REG4: variants seen among roughly 807,000 people sequenced by gnomAD.
The protein encoded by REG4 is regenerating family member 4.
A neutral mutation model predicts 22.3 loss-of-function variants in REG4; 16 were observed. The ratio of observed to expected loss-of-function variants is 0.72; its 90% CI spans 0.49 to 1.09. The LOEUF (loss-of-function observed/expected upper bound fraction) is 1.09, where lower values mean the gene tolerates loss of function less well. REG4 is among the 50% of genes least tolerant of loss of function. The pLI, the probability that REG4 is intolerant of heterozygous loss-of-function variation, is 0.00. For synonymous variants in REG4, 71 were observed against 69.2 expected (o/e 1.03, Z -0.13); for missense variants, 214 against 193.9 (o/e 1.10, Z -0.61).
intron 3 of REG4, chr1:119,802,284 T>C: frequency 1.1e-6 from 1 of 948,102 alleles, no homozygotes; most frequent in Non-Finnish European, 1.3e-6. Context: ...AATGTCGCAA[T>C]CCTGCATTAA....
At chr1:119,810,415 AT>A (rs925784177) in intron 1 of REG4, among the ~76,000 whole-genome samples, 4 of 152,218 alleles carry the variant, frequency 2.6e-5, no homozygotes, top group African/African-American at 9.6e-5. Flanking sequence ...CTTAAAGAGA[AT>A]AATGTAAATG....
At chr1:119,806,134 G>T (rs2101074397) in intron 2 of REG4, among the ~76,000 whole-genome samples, 1 of 152,206 alleles carries the variant, frequency 6.6e-6, no homozygotes, top group South Asian at 2.1e-4. Context: ...GACAGACAGA[G>T]TTTCGCCACA....
At chr1:119,802,577 A>G (rs2101070529) in intron 3 of REG4, 2 of 1,187,444 alleles carry the variant, frequency 1.7e-6, no homozygotes, top group Admixed American at 4.4e-5. Context: ...TCAACGAAAT[A>G]AAATGGACAG....
intron 2 of REG4, among the ~76,000 whole-genome samples, chr1:119,804,564 C>T (rs1454248976): frequency 6.6e-6 from 1 of 152,178 alleles, no homozygotes; most frequent in Non-Finnish European, 1.5e-5. Flanking sequence ...TACAAACAAA[C>T]AGCAAAGATA....
At chr1:119,804,719 A>G (rs1023985173) in intron 2 of REG4, among the ~76,000 whole-genome samples, 2 of 152,090 alleles carry the variant, frequency 1.3e-5, no homozygotes, top group East Asian at 1.9e-4. Context: ...TTGACTTTCT[A>G]TCATCTCTCT....
intron 4 of REG4, 87 bp downstream of exon 4, chr1:119,799,638 T>C: frequency 6.5e-7 from 1 of 1,530,388 alleles, no homozygotes; most frequent in Non-Finnish European, 8.9e-7. Flanking sequence ...CGCTGTGTCC[T>C]TGTTATAGGC....
In REG4 at chr1:119,808,710, G is replaced by A; in HGVS notation, c.60C>T (p.Val20=). The change falls in exon 2 of 6, where the codon GTC becomes GTT. Residue 20 remains valine, a synonymous_variant. Coordinates refer to ENST00000256585, the MANE Select transcript of REG4 (RefSeq NM_032044.4). ...TACGTGATGGATACTCACCACCCAGGACTCCTGTTTTGGCCAGGCAGCTCA... is the reference window on the plus strand; with the variant it reads ...TACGTGATGGATACTCACCACCCAGAACTCCTGTTTTGGCCAGGCAGCTCA... ...LLLSCLAKTG[V]LGDIIMRPSC... The A allele has an allele frequency of 6.2e-7, 1 of 1,613,128 alleles. No individual in the cohort carries two copies. Among genetic ancestry groups the A allele is most frequent in the Non-Finnish European group, 8.5e-7 (1 of 1,179,160 alleles).
intron 2 of REG4, among the ~76,000 whole-genome samples, chr1:119,805,025 T>C (rs770013895): frequency 2.0e-5 from 3 of 152,190 alleles, no homozygotes; most frequent in Non-Finnish European, 2.9e-5. Context: ...CACAGTAAGA[T>C]GGAAAAGCTG....
chr1:119,805,487 G>A (rs751411187), intron 2 of REG4, among the ~76,000 whole-genome samples: 12 of 152,174 alleles, frequency 7.9e-5, no homozygotes, highest in South Asian at 2.1e-4. Flanking sequence ...CTACCACCAC[G>A]GTCTTTGTTT....
At chr1:119,796,173 G>T (rs1227228926) in intron 5 of REG4, among the ~76,000 whole-genome samples, 1 of 152,176 alleles carries the variant, frequency 6.6e-6, no homozygotes, top group Non-Finnish European at 1.5e-5. Flanking sequence ...GAGGCACAGA[G>T]AAGTCAGAGA....
intron 3 of REG4, chr1:119,802,197 G>T (rs902279995): frequency 6.2e-6 from 2 of 323,818 alleles, no homozygotes; most frequent in African/African-American, 2.3e-5. Flanking sequence ...ACTTTGCTGG[G>T]GTTGCTGTGT....
intron 2 of REG4, among the ~76,000 whole-genome samples, chr1:119,805,958 C>T (rs1054531592): frequency 2.0e-5 from 3 of 152,142 alleles, no homozygotes; most frequent in East Asian, 1.9e-4. Context: ...CCTTGCACTA[C>T]CCCACTCCCA....
In REG4 at chr1:119,798,492, C is replaced by T; in HGVS notation, c.409+5G>A. 2 of 1,610,872 alleles carry T rather than the reference C, an allele frequency of 1.2e-6. No homozygotes were observed. The highest frequency in any genetic ancestry group is 1.7e-4 in the Middle Eastern group (1 of 6,058). On this transcript the variant is annotated splice_donor_5th_base_variant and intron_variant, in intron 5 of 5. Transcript: ENST00000256585. ...AGTGGTGAGGGGTGGTGCATTATAACTTACTGTTATTGGAGCTCATCTCAG... is the reference window on the plus strand; with the variant it reads ...AGTGGTGAGGGGTGGTGCATTATAATTTACTGTTATTGGAGCTCATCTCAG...
intron 2 of REG4, among the ~76,000 whole-genome samples, chr1:119,804,643 A>G (rs1371675417): frequency 6.6e-6 from 1 of 152,212 alleles, no homozygotes; most frequent in East Asian, 1.9e-4. Context: ...GATAAATAAA[A>G]CACAGCCTTT....
At chr1:119,800,765 G>C (rs1473099096) in intron 3 of REG4, among the ~76,000 whole-genome samples, 6 of 152,154 alleles carry the variant, frequency 3.9e-5, no homozygotes, top group Non-Finnish European at 7.3e-5. Flanking sequence ...ACTGCTCCCC[G>C]TGCTGGTGTA....
intron 1 of REG4, chr1:119,809,076 G>A (rs1240416113): frequency 3.7e-6 from 1 of 269,514 alleles, no homozygotes; most frequent in Non-Finnish European, 7.0e-6. Context: ...ATAGCAGGCT[G>A]AACAGTTTCA....
chr1:119,811,432 G>C lies in REG4; in HGVS notation c.-118C>G, dbSNP rs981297310. ...ACCTGTTTGGCAACCAAGACTCTAAGGGCCCCTGCCTTCTTCAGTGTCTCC... is the reference window on the plus strand; with the variant it reads ...ACCTGTTTGGCAACCAAGACTCTAACGGCCCCTGCCTTCTTCAGTGTCTCC... On this transcript the variant is annotated 5_prime_UTR_variant, in exon 1 of 6. Coordinates refer to ENST00000256585, the MANE Select transcript of REG4 (RefSeq NM_032044.4). The C allele has an allele frequency of 5.6e-5, 8 of 143,046 alleles. No individual in the cohort carries two copies. Among genetic ancestry groups the C allele is most frequent in the Non-Finnish European group, 3.0e-5 (2 of 66,436 alleles). The allele number at this position is 143,046 out of a possible 1,614,324, so 8.9% of individuals were successfully genotyped here.
intron 3 of REG4, 103 bp downstream of exon 3, chr1:119,802,965 A>C: frequency 6.3e-7 from 1 of 1,576,188 alleles, no homozygotes; most frequent in South Asian, 1.2e-5. Flanking sequence ...TTCTCTTCAT[A>C]GTGCCCAGGA....
intron 4 of REG4, among the ~76,000 whole-genome samples, chr1:119,799,297 A>G (rs7523107): frequency 0.028 from 4,320 of 152,174 alleles, 224 homozygotes; most frequent in African/African-American, 0.1. Flanking sequence ...CATCAAGGAT[A>G]ACATAAAAAA....
Sources: allele counts gnomAD v4.1 joint callset (sites outside exome capture counted in the v4.1 genomes callset), GRCh38; gene constraint gnomAD v4.1.1; transcripts MANE v1.5; gene names NCBI Gene and HGNC (gene_info 2026-07-23, HGNC 2026-07-21).